The following AGPAT4 variants were observed in gnomAD, a reference collection of about 807,000 sequenced individuals.
AGPAT4 encodes 1-acyl-sn-glycerol-3-phosphate acyltransferase delta.
A neutral mutation model predicts 48.0 loss-of-function variants in AGPAT4; 15 were observed. The observed-to-expected ratio is 0.31, with a 90% confidence interval of 0.21 to 0.48. The LOEUF (loss-of-function observed/expected upper bound fraction) is 0.48. Among genes scored for constraint, AGPAT4 ranks in the 20% least tolerant of loss-of-function variants. AGPAT4 has a pLI of 0.99. For synonymous variants in AGPAT4, 178 were observed against 198.7 expected (o/e 0.90, Z 0.88); for missense variants, 314 against 482.5 (o/e 0.65, Z 3.27).
In AGPAT4 at chr6:161,226,239, A is replaced by G. The variant is rs1781979352; in HGVS notation, c.178+5797T>C. On this transcript the variant is annotated intron_variant, in intron 2 of 8. Coordinates refer to ENST00000320285, the MANE Select transcript of AGPAT4 (RefSeq NM_020133.3). This position sits in a 1 kb window ranked among gnomAD's most constrained non-coding sequence, Gnocchi z 6.3. ...GCCACTCAGGGACACTCCCTTTCTG[A>G]CATCTTGGAGCTGAGTAACTACCTA... Among the ~76,000 whole-genome samples the G allele has an allele frequency of 6.6e-6, 1 of 152,160 alleles. No homozygotes were observed. Among genetic ancestry groups the G allele is most frequent in the African/African-American group, 2.4e-5 (1 of 41,426 alleles).
rs2115021879 is a variant in AGPAT4 at position 161,215,719 on chromosome 6, A to G, written c.178+16317T>C. On this transcript the variant is annotated intron_variant, in intron 2 of 8. Transcript: ENST00000320285. The surrounding 1 kb of genome is among the most constrained non-coding windows in gnomAD (Gnocchi z 4.5). ...ACCTCCCTTACCATAAAAAAAAAAAAAAAGAAAACACAAAAACACAAGATC... is the reference window on the plus strand; with the variant it reads ...ACCTCCCTTACCATAAAAAAAAAAAGAAAGAAAACACAAAAACACAAGATC... Among the ~76,000 whole-genome samples, 1 of 152,218 alleles carries G rather than the reference A, an allele frequency of 6.6e-6. No individual in the cohort carries two copies. The highest frequency in any genetic ancestry group is 2.1e-4 in the South Asian group (1 of 4,818).
At chr6:161,199,624 G>A (rs527896769) in intron 2 of AGPAT4, among the ~76,000 whole-genome samples, 3 of 152,172 alleles carry the variant, frequency 2.0e-5, no homozygotes, top group Admixed American at 2.0e-4. Flanking sequence ...TGTTGGGGGA[G>A]GGGCCGGTGA....
Position 161,130,903 on chromosome 6 carries a change from T to G in AGPAT4, c.*5637A>C, listed in dbSNP as rs748665889. The G allele has an allele frequency of 2.9e-5, 15 of 518,918 alleles. No homozygotes were observed. Among genetic ancestry groups the G allele is most frequent in the Non-Finnish European group, 4.6e-5 (12 of 259,860 alleles). The allele number at this position is 518,918 out of a possible 1,614,324, so 32.1% of individuals were successfully genotyped here. A position where few individuals can be genotyped will look rare whatever the true frequency, so the allele number is the denominator to read the frequency against. ...ATACAGAGAGAATGGCATTCCAAAA[T>G]TCCATGGATGACTTTTCTGAATGTC... On this transcript the variant is annotated 3_prime_UTR_variant, in exon 9 of 9. Coordinates refer to ENST00000320285, the MANE Select transcript of AGPAT4 (RefSeq NM_020133.3).
At position 161,229,305 on chromosome 6, in the gene AGPAT4, C is replaced by T. The variant is rs1259756904; in HGVS notation, c.178+2731G>A. 1.3e-5 allele frequency among the ~76,000 whole-genome samples: 2 copies of T among 152,110 alleles called. No homozygotes were observed. Among genetic ancestry groups the T allele is most frequent in the Non-Finnish European group, 2.9e-5 (2 of 68,022 alleles). ...CTGTCTAAGCTCAGAGTGACTCATACACCAGAAGACACAATTAAAGCCATG... is the reference window on the plus strand; with the variant it reads ...CTGTCTAAGCTCAGAGTGACTCATATACCAGAAGACACAATTAAAGCCATG... On this transcript the variant is annotated intron_variant, in intron 2 of 8. Transcript: ENST00000320285. This position sits in a 1 kb window ranked among gnomAD's most constrained non-coding sequence, Gnocchi z 6.0.
chr6:161,136,245 T>G lies in AGPAT4; in HGVS notation c.*295A>C. The G allele has an allele frequency of 9.0e-6, 3 of 331,608 alleles. No homozygotes were observed. Among genetic ancestry groups the G allele is most frequent in the Non-Finnish European group, 1.7e-5 (3 of 174,014 alleles). 20.5% of individuals were successfully genotyped at this position (331,608 alleles called of 1,614,324 possible). On this transcript the variant is annotated 3_prime_UTR_variant, in exon 9 of 9. Coordinates refer to ENST00000320285, the MANE Select transcript of AGPAT4 (RefSeq NM_020133.3). ...CCCAGCCCTGCCCTCCCCTGCAGCC[T>G]AAAATACCCTTTCTATGATCACAGA...
Position 161,137,799 on chromosome 6 carries a change from A to C in AGPAT4, c.1043-1165T>G, listed in dbSNP as rs990831108. Among the ~76,000 whole-genome samples the C allele has an allele frequency of 4.6e-5, 7 of 150,690 alleles. No homozygotes were observed. Among genetic ancestry groups the C allele is most frequent in the Non-Finnish European group, 1.0e-4 (7 of 67,736 alleles). On this transcript the variant is annotated intron_variant, in intron 8 of 8. Transcript: ENST00000320285. This position sits in a 1 kb window ranked among gnomAD's most constrained non-coding sequence, Gnocchi z 6.1. Reference sequence around the variant, plus strand: ...TGAAGACTCCCTGTGTCCACACTGCACCCCTCAGATGCTCCTGAAGACTCC... The same window carrying C: ...TGAAGACTCCCTGTGTCCACACTGCCCCCCTCAGATGCTCCTGAAGACTCC...
At position 161,225,124 on chromosome 6, in the gene AGPAT4, A is replaced by AC. The variant is rs1781939684; in HGVS notation, c.178+6911dup. On this transcript the variant is annotated intron_variant, in intron 2 of 8. Transcript: ENST00000320285. The surrounding 1 kb of genome is among the most constrained non-coding windows in gnomAD (Gnocchi z 5.0). ...TGCTCTACCCAGACTCATTCGGATT[A>AC]CCTGCTCCACCCTGACTCCTTCCGA... Among the ~76,000 whole-genome samples, 1 of 151,378 alleles carries AC rather than the reference A, an allele frequency of 6.6e-6. No individual in the cohort carries two copies. Among genetic ancestry groups the AC allele is most frequent in the Non-Finnish European group, 1.5e-5 (1 of 67,942 alleles).
intron 1 of AGPAT4, among the ~76,000 whole-genome samples, chr6:161,268,925 A>G (rs1214507700): frequency 6.6e-6 from 1 of 152,184 alleles, no homozygotes; most frequent in Non-Finnish European, 1.5e-5. Context: ...AGCCACCACT[A>G]GTTTCTGGAT....
At position 161,240,218 on chromosome 6, in the gene AGPAT4, G is replaced by A. The variant is rs1217008669; in HGVS notation, c.-89-7916C>T. ...AAACACTAACAGCAGATATCTTTGT[G>A]TATACACACACACACACACACACAC... On this transcript the variant is annotated intron_variant, in intron 1 of 8. Transcript: ENST00000320285. This position sits in a 1 kb window ranked among gnomAD's most constrained non-coding sequence, Gnocchi z 5.5. Among the ~76,000 whole-genome samples, 1 of 128,818 alleles carries A rather than the reference G, an allele frequency of 7.8e-6. No individual in the cohort carries two copies. Among genetic ancestry groups the A allele is most frequent in the Non-Finnish European group, 1.6e-5 (1 of 62,330 alleles). 84.5% of individuals were successfully genotyped at this position (128,818 alleles called of 152,430 possible). A position where few individuals can be genotyped will look rare whatever the true frequency, so the allele number is the denominator to read the frequency against.
At chr6:161,260,056 G>A (rs1282339248) in intron 1 of AGPAT4, among the ~76,000 whole-genome samples, 1 of 152,126 alleles carries the variant, frequency 6.6e-6, no homozygotes, top group African/African-American at 2.4e-5. Flanking sequence ...AACAGCATGT[G>A]GGGACAGGGC....
Position 161,165,578 on chromosome 6 carries a change from T to C in AGPAT4, c.348+670A>G. On this transcript the variant is annotated intron_variant, in intron 3 of 8. Coordinates refer to ENST00000320285, the MANE Select transcript of AGPAT4 (RefSeq NM_020133.3). The surrounding 1 kb of genome is among the most constrained non-coding windows in gnomAD (Gnocchi z 5.5). ...TACACTGTGATTCCTACGGAATACC[T>C]GAGTACCGCAGATGACTCTGATTCA... 7.7e-7 allele frequency: 1 copy of C among 1,295,532 alleles called. No homozygotes were observed. The highest frequency in any genetic ancestry group is 1.0e-6 in the Non-Finnish European group (1 of 986,032). The allele number at this position is 1,295,532 out of a possible 1,614,324, so 80.3% of individuals were successfully genotyped here.
At chr6:161,230,835 C>G in intron 2 of AGPAT4, among the ~76,000 whole-genome samples, 1 of 152,166 alleles carries the variant, frequency 6.6e-6, no homozygotes, top group Non-Finnish European at 1.5e-5. Flanking sequence ...CATTGTAATA[C>G]AAGACATGGA....
At position 161,164,885 on chromosome 6, in the gene AGPAT4, G is replaced by C. The variant is rs537204428; in HGVS notation, c.348+1363C>G. 2.0e-5 allele frequency among the ~76,000 whole-genome samples: 3 copies of C among 152,260 alleles called. No homozygotes were observed. The highest frequency in any genetic ancestry group is 6.5e-5 in the Admixed American group (1 of 15,292). ...CTACCAGAAAGTACTTACAAAGCCTGGAAAATCACCAGCTGCCTCTAAACT... is the reference window on the plus strand; with the variant it reads ...CTACCAGAAAGTACTTACAAAGCCTCGAAAATCACCAGCTGCCTCTAAACT... On this transcript the variant is annotated intron_variant, in intron 3 of 8. Transcript: ENST00000320285. This position sits in a 1 kb window ranked among gnomAD's most constrained non-coding sequence, Gnocchi z 7.4.
chr6:161,153,278 C>T lies in AGPAT4; in HGVS notation c.664+68G>A, dbSNP rs1779642824. The T allele has an allele frequency of 1.2e-5, 19 of 1,534,310 alleles. No homozygotes were observed. The South Asian group carries it at 2.2e-4, about 18-fold the overall frequency. ...AGTGCTGGCAGGAAGCAAGCTCTGC[C>T]CATCCGGAGCTGGGGCTTGTCTTCC... On this transcript the variant is annotated intron_variant, in intron 5 of 8. Coordinates refer to ENST00000320285, the MANE Select transcript of AGPAT4 (RefSeq NM_020133.3).
rs1781817774 is a variant in AGPAT4, at chr6:161,220,924, C to T, written c.178+11112G>A. 6.6e-6 allele frequency among the ~76,000 whole-genome samples: 1 copy of T among 152,110 alleles called. No individual in the cohort carries two copies. Among genetic ancestry groups the T allele is most frequent in the Non-Finnish European group, 1.5e-5 (1 of 68,024 alleles). On this transcript the variant is annotated intron_variant, in intron 2 of 8. Transcript: ENST00000320285. This position sits in a 1 kb window ranked among gnomAD's most constrained non-coding sequence, Gnocchi z 6.0. ...TCAGTCTCCCGAGTAGCTGGGATTA[C>T]AGGCGCGTGCCACCACACCTGGCTA...
chr6:161,161,496 T>A lies in AGPAT4; in HGVS notation c.348+4752A>T, dbSNP rs773088786. 4 of 456,682 alleles carry A rather than the reference T, an allele frequency of 8.8e-6. No individual in the cohort carries two copies. The highest frequency in any genetic ancestry group is 6.2e-5 in the South Asian group (4 of 64,560). 28.3% of individuals were successfully genotyped at this position (456,682 alleles called of 1,614,324 possible). A position where few individuals can be genotyped will look rare whatever the true frequency, so the allele number is the denominator to read the frequency against. ...AGTGCAAGGTCTGTGCCTGCAGAGC[T>A]GATGAATTCACATGGTGGCGGGCAG... On this transcript the variant is annotated intron_variant, in intron 3 of 8. Transcript: ENST00000320285. The surrounding 1 kb of genome is among the most constrained non-coding windows in gnomAD (Gnocchi z 4.6).
chr6:161,273,794 T>TCCCCCCCCCCCCCCCCCCC (rs398003232), intron 1 of AGPAT4, 144 bp downstream of exon 1: 1 of 72,272 alleles, frequency 1.4e-5, no homozygotes, highest in African/African-American at 4.8e-5. Flanking sequence ...CGCCTTGCAC[T>TCCCCCCCCCCCCCCCCCCC]CCCCCCCCGC....
intron 2 of AGPAT4, among the ~76,000 whole-genome samples, chr6:161,227,844 C>T (rs1450524263): frequency 4.6e-5 from 7 of 151,964 alleles, no homozygotes; most frequent in Admixed American, 1.3e-4. Context: ...ACAAATACAG[C>T]GGCAAACACT....
chr6:161,270,457 G>A lies in AGPAT4; in HGVS notation c.-90+3481C>T, dbSNP rs966138588. ...AAAGGCGTTTCACCAAAGATTTAGA[G>A]GTCAAACACCATTCAGAAATGTGAA... On this transcript the variant is annotated intron_variant, in intron 1 of 8. Coordinates refer to ENST00000320285, the MANE Select transcript of AGPAT4 (RefSeq NM_020133.3). This position sits in a 1 kb window ranked among gnomAD's most constrained non-coding sequence, Gnocchi z 5.3. 2.0e-5 allele frequency among the ~76,000 whole-genome samples: 3 copies of A among 152,072 alleles called. No homozygotes were observed. Among genetic ancestry groups the A allele is most frequent in the Admixed American group, 2.0e-4 (3 of 15,258 alleles).
Sources: gnomAD v4.1 joint callset for allele counts (sites outside exome capture counted in the v4.1 genomes callset) on GRCh38, gnomAD v4.1.1 for gene constraint, Gnocchi (gnomAD v3.1) non-coding constraint, MANE v1.5 for transcripts, NCBI Gene and HGNC (gene_info 2026-07-23, HGNC 2026-07-21) for gene names.